RNF111: variants seen among roughly 807,000 people sequenced by gnomAD.
The protein encoded by RNF111 is E3 ubiquitin-protein ligase Arkadia.
Under a neutral mutation model 95.1 loss-of-function variants are expected in RNF111, and 17 were observed. That is an observed-to-expected ratio of 0.18 (90% CI 0.12 to 0.27). The LOEUF is 0.27. Ranked by LOEUF, RNF111 falls within the 10% of genes least tolerant of loss-of-function variation. The pLI is 1.00. For missense variants in RNF111, 1,189 were observed against 1,210.4 expected, an observed-to-expected ratio of 0.98 and a Z score of 0.26; for synonymous variants, 440 against 414.8, an observed-to-expected ratio of 1.06 and a Z score of -0.74.
intron 6 of RNF111, among the ~76,000 whole-genome samples, chr15:59,072,158 C>G (rs1162345648): frequency 1.3e-5 from 2 of 152,124 alleles, no homozygotes; most frequent in East Asian, 3.8e-4. Flanking sequence ...AGGGTCTTGC[C>G]TTAATGTTGG....
chr15:59,066,979 G>T lies in RNF111; in HGVS notation c.1582G>T (p.Val528Phe). 1 of 1,614,042 alleles carries T rather than the reference G, an allele frequency of 6.2e-7. No individual in the cohort carries two copies. Among genetic ancestry groups the T allele is most frequent in the Middle Eastern group, 1.6e-4 (1 of 6,062 alleles). ...CCATACTCCCCACCCAGCTGTCCCA[G>T]TTTCTCCTTCCTTTAGTGATCCTGC... Reference protein sequence around the residue: ...HHHTPHPAVPVSPSFSDPACP... With the variant: ...HHHTPHPAVPFSPSFSDPACP... Residue 528 changes from valine (V) to phenylalanine (F), a missense_variant, in exon 6 of 14, where the codon GTT (valine) becomes TTT (phenylalanine). Physicochemically the swap from Val to Phe is conservative, Grantham distance 50. This residue lies in a region of RNF111 where 1,024 missense variants were observed against 925.9 expected (regional missense o/e 1.11). Transcript: ENST00000348370.
intron 10 of RNF111, among the ~76,000 whole-genome samples, chr15:59,089,028 G>A (rs1297259345): frequency 2.6e-5 from 4 of 152,170 alleles, no homozygotes; most frequent in South Asian, 4.2e-4. Context: ...GCTCAAATAC[G>A]GCAGAGCCCT....
chr15:59,037,555 T>C (rs2041237312), intron 2 of RNF111, among the ~76,000 whole-genome samples: 1 of 152,052 alleles, frequency 6.6e-6, no homozygotes, highest in Non-Finnish European at 1.5e-5. Flanking sequence ...TAATAGGTAT[T>C]GCCGGGCGTG....
At chr15:59,067,180 GTC>G in intron 6 of RNF111, 97 bp downstream of exon 6, 3 of 1,033,036 alleles carry the variant, frequency 2.9e-6, no homozygotes, top group Non-Finnish European at 4.2e-6. Context: ...CTTCATTCCT[GTC>G]TCTCTCCCTC....
chr15:59,061,193 T>G (rs1467187710), intron 5 of RNF111, among the ~76,000 whole-genome samples: 1 of 152,172 alleles, frequency 6.6e-6, no homozygotes, highest in African/African-American at 2.4e-5. Flanking sequence ...CTTTGTTCAT[T>G]CACAAATCAG....
At chr15:59,017,980 A>T (rs1239829821) in intron 1 of RNF111, among the ~76,000 whole-genome samples, 1 of 151,962 alleles carries the variant, frequency 6.6e-6, no homozygotes, top group East Asian at 1.9e-4. Flanking sequence ...GCTGGTCTCG[A>T]ACTCCTGACC....
chr15:59,009,543 A>G (rs1596065143), intron 1 of RNF111, among the ~76,000 whole-genome samples: 1 of 151,596 alleles, frequency 6.6e-6, no homozygotes. Context: ...CAGATCAGAA[A>G]ACTTTGATAT....
At chr15:59,053,384 C>T (rs372327726) in intron 3 of RNF111, among the ~76,000 whole-genome samples, 1 of 152,148 alleles carries the variant, frequency 6.6e-6, no homozygotes, top group Non-Finnish European at 1.5e-5. Flanking sequence ...AACTAATAAT[C>T]TAACGGATGA....
intron 13 of RNF111, among the ~76,000 whole-genome samples, chr15:59,094,286 A>G (rs1013034155): frequency 8.5e-5 from 13 of 152,214 alleles, no homozygotes; most frequent in African/African-American, 2.2e-4. Context: ...ACATTGCACA[A>G]TAAGACATTT....
intron 2 of RNF111, among the ~76,000 whole-genome samples, chr15:59,032,758 A>T (rs2040977360): frequency 6.6e-6 from 1 of 152,170 alleles, no homozygotes; most frequent in South Asian, 2.1e-4. Context: ...AATTTCAAGT[A>T]ACTTTTATTC....
intron 1 of RNF111, among the ~76,000 whole-genome samples, chr15:59,028,294 G>T (rs995472550): frequency 6.6e-6 from 1 of 151,900 alleles, no homozygotes; most frequent in Non-Finnish European, 1.5e-5. Flanking sequence ...TATCCATGTT[G>T]TAGCTTGAGT....
chr15:59,004,093 C>T, intron 1 of RNF111: 1 of 1,050,208 alleles, frequency 9.5e-7, no homozygotes, highest in Non-Finnish European at 1.2e-6. Context: ...TCTTCCCAGA[C>T]TCTTGGATTT....
intron 1 of RNF111, among the ~76,000 whole-genome samples, chr15:59,013,184 T>TA (rs1168355729): frequency 2.6e-5 from 4 of 152,184 alleles, no homozygotes; most frequent in Admixed American, 6.5e-5. Flanking sequence ...CCCTTGTTTT[T>TA]AAAAAAATGA....
At chr15:59,015,127 A>C (rs752301969) in intron 1 of RNF111, among the ~76,000 whole-genome samples, 2 of 152,210 alleles carry the variant, frequency 1.3e-5, no homozygotes, top group African/African-American at 4.8e-5. Flanking sequence ...ATCAGTACTT[A>C]CTAGGACCAA....
chr15:59,020,209 TTCTA>T (rs2040269071), intron 1 of RNF111, among the ~76,000 whole-genome samples: 1 of 149,510 alleles, frequency 6.7e-6, no homozygotes, highest in South Asian at 2.1e-4. Flanking sequence ...AGATACTTAA[TTCTA>T]TATACAATAA....
rs754392944 is a variant in RNF111 at position 59,031,552 on chromosome 15, C to G, written c.730C>G (p.Arg244Gly). 1 of 1,614,098 alleles carries G rather than the reference C, an allele frequency of 6.2e-7. No individual in the cohort carries two copies. The highest frequency in any genetic ancestry group is 8.5e-7 in the Non-Finnish European group (1 of 1,180,024). ...GAGGAAGAAACGAGAAGTGTTAGCT[C>G]GAAGAAAATATGCCTTGCTACCTAG... ...MQRKKREVLA[R>G]RKYALLPSSS... The change falls in exon 2 of 14, where the codon CGA (arginine) becomes GGA (glycine). Residue 244 changes from arginine (R) to glycine (G), a missense_variant. Around this residue, in one of 2 missense-constraint regions of RNF111, gnomAD observed 1,024 missense variants for 925.9 expected, o/e 1.11. Transcript: ENST00000348370.
At chr15:59,019,806 A>G (rs1158023091) in intron 1 of RNF111, among the ~76,000 whole-genome samples, 1 of 152,022 alleles carries the variant, frequency 6.6e-6, no homozygotes, top group Non-Finnish European at 1.5e-5. Flanking sequence ...TGAAAATACA[A>G]AAATTAGCCA....
intron 5 of RNF111, among the ~76,000 whole-genome samples, chr15:59,060,210 G>A (rs2042373974): frequency 6.6e-6 from 1 of 151,990 alleles, no homozygotes; most frequent in African/African-American, 2.4e-5. Flanking sequence ...AATGTAGGCA[G>A]AAATGAAATG....
chr15:59,045,098 A>T (rs536897048), intron 2 of RNF111, among the ~76,000 whole-genome samples: 1 of 152,112 alleles, frequency 6.6e-6, no homozygotes, highest in Admixed American at 6.5e-5. Context: ...TGTATCATTT[A>T]TCATTGAGGT....
Sources: allele counts gnomAD v4.1 joint callset (sites outside exome capture counted in the v4.1 genomes callset), GRCh38; gene constraint gnomAD v4.1.1; regional missense constraint gnomAD v4.1.1; transcripts MANE v1.5; gene names NCBI Gene and HGNC (gene_info 2026-07-23, HGNC 2026-07-21).